SPAG16: variants seen among roughly 807,000 people sequenced by gnomAD.
SPAG16 encodes the protein sperm associated antigen 16.
Under a neutral mutation model 80.4 loss-of-function variants are expected in SPAG16, and 86 were observed. The ratio of observed to expected loss-of-function variants is 1.07; its 90% CI spans 0.90 to 1.28. The LOEUF is 1.28. Among genes scored for constraint, SPAG16 ranks in the 50% most tolerant of loss-of-function variants. The pLI is 0.00. For synonymous variants in SPAG16, 294 were observed against 265.9 expected (o/e 1.11, Z -1.03); for missense variants, 870 against 765.3 (o/e 1.14, Z -1.61).
At position 213,676,389 on chromosome 2, in the gene SPAG16, A is replaced by C. The variant is rs1301213849; in HGVS notation, c.1071-186096A>C. 2.7e-5 allele frequency among the ~76,000 whole-genome samples: 4 copies of C among 147,724 alleles called. No homozygotes were observed. In the East Asian group the frequency reaches 8.0e-4, roughly 30 times the overall value. ...TACCCTTTATTTCCTTCTCCTGCCT[A>C]ATTGCCCTGGCCAGAACTTCCAACA... On this transcript the variant is annotated intron_variant, in intron 10 of 15. Coordinates refer to ENST00000331683, the MANE Select transcript of SPAG16 (RefSeq NM_024532.5).
chr2:214,021,733 C>T (rs550018712), intron 13 of SPAG16, among the ~76,000 whole-genome samples: 1 of 152,244 alleles, frequency 6.6e-6, no homozygotes, highest in Non-Finnish European at 1.5e-5. Context: ...ATTTTATATA[C>T]TGTGTTACAC....
At chr2:214,220,289 AT>A (rs2058534377) in intron 15 of SPAG16, among the ~76,000 whole-genome samples, 2 of 152,126 alleles carry the variant, frequency 1.3e-5, no homozygotes, top group African/African-American at 4.8e-5. Flanking sequence ...GCCTTAGATG[AT>A]TTTAAATGAC....
At chr2:214,277,361 A>G (rs1453380071) in intron 15 of SPAG16, among the ~76,000 whole-genome samples, 1 of 152,094 alleles carries the variant, frequency 6.6e-6, no homozygotes, top group Admixed American at 6.5e-5. Context: ...TTTGGAGAAG[A>G]GGTGCTCTCG....
At chr2:214,017,030 TGAA>T (rs1236935615) in intron 13 of SPAG16, among the ~76,000 whole-genome samples, 1 of 152,090 alleles carries the variant, frequency 6.6e-6, no homozygotes, top group African/African-American at 2.4e-5. Context: ...TTAGGATATA[TGAA>T]GAACAAAATA....
rs1034358833 is a variant in SPAG16 at position 214,324,239 on chromosome 2, C to G, written c.1721-85901C>G. 2.6e-5 allele frequency among the ~76,000 whole-genome samples: 4 copies of G among 152,252 alleles called. No individual in the cohort carries two copies. In the South Asian group the frequency reaches 8.3e-4, roughly 32 times the overall value. On this transcript the variant is annotated intron_variant, in intron 15 of 15. Coordinates refer to ENST00000331683, the MANE Select transcript of SPAG16 (RefSeq NM_024532.5). ...TTATGATATTCATTTTCTAGGACCT[C>G]CTCACCCTTCACCTCCCCTTGATAT...
At chr2:214,269,838 T>A (rs1439033962) in intron 15 of SPAG16, among the ~76,000 whole-genome samples, 1 of 152,110 alleles carries the variant, frequency 6.6e-6, no homozygotes, top group Non-Finnish European at 1.5e-5. Context: ...GTCCAAACAA[T>A]GACCTCTGAA....
At chr2:213,495,367 CT>C (rs1256263691) in intron 10 of SPAG16, among the ~76,000 whole-genome samples, 3 of 152,196 alleles carry the variant, frequency 2.0e-5, no homozygotes, top group Non-Finnish European at 4.4e-5. Flanking sequence ...GTTCTCCAAA[CT>C]TTATCAAGCT....
At chr2:213,356,544 T>C (rs2065662729) in intron 7 of SPAG16, among the ~76,000 whole-genome samples, 1 of 152,230 alleles carries the variant, frequency 6.6e-6, no homozygotes, top group Non-Finnish European at 1.5e-5. Context: ...TAGAGGTGTT[T>C]ATAGTATTCT....
intron 11 of SPAG16, among the ~76,000 whole-genome samples, chr2:213,882,588 A>G (rs868717409): frequency 1.3e-5 from 2 of 152,162 alleles, no homozygotes; most frequent in African/African-American, 2.4e-5. Flanking sequence ...AATTTGTGGA[A>G]CAGAATTACT....
intron 11 of SPAG16, among the ~76,000 whole-genome samples, chr2:213,918,134 G>A (rs1341970504): frequency 6.6e-6 from 1 of 152,058 alleles, no homozygotes; most frequent in Non-Finnish European, 1.5e-5. Context: ...TGGTCATGAT[G>A]GATTAGTTTT....
Position 213,437,619 on chromosome 2 carries a change from T to C in SPAG16, c.943-52344T>C, listed in dbSNP as rs184702096. ...CATTAATACCTCAGTCTTACAGATGTTTGACTTATTCTGCTACAGTGACCT... is the reference window on the plus strand; with the variant it reads ...CATTAATACCTCAGTCTTACAGATGCTTGACTTATTCTGCTACAGTGACCT... On this transcript the variant is annotated intron_variant, in intron 9 of 15. Transcript: ENST00000331683. 2.0e-3 allele frequency among the ~76,000 whole-genome samples: 299 copies of C among 152,328 alleles called. 7 individuals carry two copies. Among genetic ancestry groups the C allele is most frequent in the Non-Finnish European group, 2.1e-4 (14 of 68,032 alleles).
At chr2:213,935,315 T>A (rs971878789) in intron 12 of SPAG16, among the ~76,000 whole-genome samples, 1 of 152,162 alleles carries the variant, frequency 6.6e-6, no homozygotes, top group Non-Finnish European at 1.5e-5. Flanking sequence ...ATGAATACTT[T>A]TCAGGTGATA....
chr2:214,232,441 G>A (rs1160404685), intron 15 of SPAG16, among the ~76,000 whole-genome samples: 1 of 151,884 alleles, frequency 6.6e-6, no homozygotes, highest in Admixed American at 6.6e-5. Context: ...GTTTTCAGTG[G>A]CTGTGAAAAG....
At chr2:214,347,349 G>GT (rs34525160) in intron 15 of SPAG16, among the ~76,000 whole-genome samples, 108,720 of 148,842 alleles carry the variant, frequency 0.73, 41,410 homozygotes, top group Non-Finnish European at 0.84. Flanking sequence ...AAATATTAGG[G>GT]TTTTTTTTTT....
rs375133776 is a variant in SPAG16 at position 214,222,722 on chromosome 2, C to T, written c.1720+73456C>T. 5.9e-5 allele frequency among the ~76,000 whole-genome samples: 9 copies of T among 152,206 alleles called. 1 individual carries two copies. The highest frequency in any genetic ancestry group is 2.2e-4 in the African/African-American group (9 of 41,536). Reference sequence around the variant, plus strand: ...AGTTCTGTGACTAATCAAGCTAAAACATACATTTTCAAGAGATCCACCTGA... The same window carrying T: ...AGTTCTGTGACTAATCAAGCTAAAATATACATTTTCAAGAGATCCACCTGA... On this transcript the variant is annotated intron_variant, in intron 15 of 15. Coordinates refer to ENST00000331683, the MANE Select transcript of SPAG16 (RefSeq NM_024532.5).
At chr2:214,069,269 A>T (rs1449436426) in intron 13 of SPAG16, among the ~76,000 whole-genome samples, 1 of 152,046 alleles carries the variant, frequency 6.6e-6, no homozygotes, top group Non-Finnish European at 1.5e-5. Context: ...AAAGGGTTTA[A>T]TTTTTCCCTA....
chr2:213,558,077 A>G (rs1263618234), intron 10 of SPAG16, among the ~76,000 whole-genome samples: 1 of 152,178 alleles, frequency 6.6e-6, no homozygotes, highest in Admixed American at 6.5e-5. Flanking sequence ...GATCCAATGA[A>G]TGAATACTTT....
chr2:213,539,230 A>G (rs1193375029), intron 10 of SPAG16, among the ~76,000 whole-genome samples: 1 of 152,180 alleles, frequency 6.6e-6, no homozygotes, highest in African/African-American at 2.4e-5. Context: ...TTATCCCTGT[A>G]GAATGTTTTT....
At chr2:213,376,046 A>G in intron 9 of SPAG16, among the ~76,000 whole-genome samples, 1 of 151,396 alleles carries the variant, frequency 6.6e-6, no homozygotes, top group South Asian at 2.1e-4. Context: ...TTTATACAAT[A>G]AAATAAAAAC....
Sources: gnomAD v4.1 joint callset for allele counts (sites outside exome capture counted in the v4.1 genomes callset) on GRCh38, gnomAD v4.1.1 for gene constraint, MANE v1.5 for transcripts, NCBI Gene and HGNC (gene_info 2026-07-23, HGNC 2026-07-21) for gene names.